The following DDHD2 variants were observed in gnomAD, a reference collection of about 807,000 sequenced individuals.
The protein encoded by DDHD2 is triacylglycerol hydrolase DDHD2.
In DDHD2, 62 loss-of-function variants were observed where a neutral mutation model predicts 91.2. That is an observed-to-expected ratio of 0.68 (90% confidence interval 0.55 to 0.84). The LOEUF is 0.84. DDHD2 is among the 40% of genes least tolerant of loss of function. The pLI is 0.00. For missense variants in DDHD2, 740 were observed against 846.9 expected (o/e 0.87, Z 1.57); for synonymous variants, 271 against 293.9 (o/e 0.92, Z 0.80).
At chr8:38,267,874 G>T in intron 1 of DDHD2, 1 of 1,611,716 alleles carries the variant, frequency 6.2e-7, no homozygotes, top group Non-Finnish European at 8.5e-7. Flanking sequence ...CAGATGCTGG[G>T]GTGGTTAGCT....
At position 38,232,977 on chromosome 8, in the gene DDHD2, T is replaced by A. The variant is rs562818441; in HGVS notation, c.-8-10T>A. 1 of 1,607,526 alleles carries A rather than the reference T, an allele frequency of 6.2e-7. No individual in the cohort carries two copies. The highest frequency in any genetic ancestry group is 1.3e-5 in the African/African-American group (1 of 74,694). ...AGTTCGTTTTCCTGATAGTTTTCTT[T>A]TGTCTTTAGAGAGCGAAATGTCATC... On this transcript the variant is annotated splice_polypyrimidine_tract_variant and intron_variant, in intron 1 of 17. Coordinates refer to ENST00000397166, the MANE Select transcript of DDHD2 (RefSeq NM_015214.3).
At chr8:38,252,907 A>T in intron 14 of DDHD2, 50 bp from the exon 15 acceptor site, 1 of 1,608,434 alleles carries the variant, frequency 6.2e-7, no homozygotes, top group South Asian at 1.1e-5. Context: ...GCTATGTTGG[A>T]CCCTAAGCTC....
Position 38,269,177 on chromosome 8 carries a change from A to G in DDHD2, n.88-1945A>G, listed in dbSNP as rs1299608788. 5.3e-6 allele frequency: 8 copies of G among 1,504,938 alleles called. No individual in the cohort carries two copies. The highest frequency in any genetic ancestry group is 2.7e-5 in the East Asian group (1 of 36,770). 93.2% of individuals were successfully genotyped at this position (1,504,938 alleles called of 1,614,324 possible). On this transcript the variant is annotated intron_variant and non_coding_transcript_variant, in intron 1 of 1. Coordinates refer to the DDHD2 transcript ENST00000526071. ...CACGCCCACTTCGGCCCCAAAGGCC[A>G]CCGCCGCCGCCGCCTTCCCCATCCG...
At chr8:38,267,511 G>A, downstream of DDHD2, 1 of 1,224,930 alleles carries the variant, frequency 8.2e-7, no homozygotes, top group East Asian at 2.5e-5. Flanking sequence ...GCAAAATAAG[G>A]TAACTGGCTT....
At chr8:38,263,500 T>C (rs1807197922), downstream of DDHD2, 3 of 985,456 alleles carry the variant, frequency 3.0e-6, no homozygotes, top group Non-Finnish European at 3.6e-6. Flanking sequence ...GAAACCACAC[T>C]CCTGACCATT....
Position 38,247,773 on chromosome 8 carries a change from A to G in DDHD2, c.1186A>G (p.Lys396Glu). The change falls in exon 10 of 18, where the codon AAA (lysine) becomes GAA (glutamate). Residue 396 changes from lysine to glutamate, a missense_variant. Lys to Glu is a moderately conservative substitution (Grantham distance 56). Transcript: ENST00000397166. Reference sequence around the variant, plus strand: ...ACCTACACTAGAGGAAGATTTGAAGAAACTTCAGCTCTCTGAATTCTTTGA... The same window carrying G: ...ACCTACACTAGAGGAAGATTTGAAGGAACTTCAGCTCTCTGAATTCTTTGA... ...DTPTLEEDLK[K>E]LQLSEFFDIF... 6.3e-7 allele frequency: 1 copy of G among 1,583,966 alleles called. No homozygotes were observed. Among genetic ancestry groups the G allele is most frequent in the Non-Finnish European group, 8.6e-7 (1 of 1,163,316 alleles).
rs1174123143 is a variant in DDHD2 at position 38,251,934 on chromosome 8, A to C, written c.1367A>C (p.Gln456Pro). The change falls in exon 12 of 18, where the codon CAG becomes CCG. Residue 456 changes from glutamine to proline, a missense_variant. This residue lies in a region of DDHD2 where 693 missense variants were observed against 764.2 expected (regional missense o/e 0.91). Transcript: ENST00000397166. ...TAGGGTATTAAGAGACCAGCCCCGC[A>C]GCCTGCTTCAGGGGCAAACATCCCC... ...NSMGIKRPAP[Q>P]PASGANIPKE... 1 of 1,614,120 alleles carries C rather than the reference A, an allele frequency of 6.2e-7. No individual in the cohort carries two copies. Among genetic ancestry groups the C allele is most frequent in the Admixed American group, 1.7e-5 (1 of 60,012 alleles).
chr8:38,269,110 C>A, intron 1 of DDHD2: 2 of 1,525,468 alleles, frequency 1.3e-6, no homozygotes, highest in Non-Finnish European at 1.8e-6. Flanking sequence ...CGGGCCCGGC[C>A]GTGGATCTTT....
At chr8:38,256,290 G>A (rs1012408169) in intron 16 of DDHD2, among the ~76,000 whole-genome samples, 8 of 151,964 alleles carry the variant, frequency 5.3e-5, no homozygotes, top group Admixed American at 1.3e-4. Context: ...GTTGTTTGGC[G>A]TTTAGCTTAT....
rs199597606 is a variant in DDHD2, at chr8:38,251,932, G to A, written c.1365G>A (p.Pro455=). The A allele has an allele frequency of 9.9e-6, 16 of 1,613,574 alleles. No homozygotes were observed. Among genetic ancestry groups the A allele is most frequent in the East Asian group, 4.5e-5 (2 of 44,870 alleles). The part of the protein sequence containing the change: ...KNSMGIKRPA[P]QPASGANIPK... Reference sequence around the variant, plus strand: ...TTTAGGGTATTAAGAGACCAGCCCCGCAGCCTGCTTCAGGGGCAAACATCC... The same window carrying A: ...TTTAGGGTATTAAGAGACCAGCCCCACAGCCTGCTTCAGGGGCAAACATCC... The change falls in exon 12 of 18, where the codon CCG becomes CCA. Residue 455 remains proline, a synonymous_variant. Transcript: ENST00000397166.
chr8:38,265,176 G>C (rs2130915410), downstream of DDHD2: 1 of 436,684 alleles, frequency 2.3e-6, no homozygotes, highest in East Asian at 4.4e-5. Context: ...TGAGGCAGGA[G>C]ACTTGCTTGA....
downstream of DDHD2, chr8:38,266,430 T>C: frequency 9.8e-7 from 1 of 1,024,010 alleles, no homozygotes; most frequent in Non-Finnish European, 1.4e-6. Flanking sequence ...TGAGACAGTC[T>C]TGCTCTGTCG....
chr8:38,267,750 G>A, downstream of DDHD2: 1 of 830,210 alleles, frequency 1.2e-6, no homozygotes, highest in South Asian at 1.7e-5. Context: ...ATGGGGAAGG[G>A]AGTAAGCGTT....
rs1385434360 is a variant in DDHD2 at position 38,259,169 on chromosome 8, C to A, written c.2055-871C>A. On this transcript the variant is annotated intron_variant, in intron 16 of 17. Transcript: ENST00000397166. Reference sequence around the variant, plus strand: ...ACTGGATAACTCTTCAATAGTGTCTCTAGAATGATCTCTGTGGAAAAGGAA... The same window carrying A: ...ACTGGATAACTCTTCAATAGTGTCTATAGAATGATCTCTGTGGAAAAGGAA... Among the ~76,000 whole-genome samples the A allele has an allele frequency of 2.0e-5, 3 of 151,248 alleles. No homozygotes were observed. The East Asian group carries it at 5.8e-4, about 29-fold the overall frequency.
chr8:38,262,180 G>C lies in DDHD2; in HGVS notation c.*1607G>C, dbSNP rs1300223380. On this transcript the variant is annotated 3_prime_UTR_variant, in exon 18 of 18. Coordinates refer to ENST00000397166, the MANE Select transcript of DDHD2 (RefSeq NM_015214.3). The stretch of plus-strand genomic sequence containing the variant: ...ATATGGAATACTTTATTTTTTTAAA[G>C]GTATATAAACTCTGAGTTATTGAGA... 6.6e-6 allele frequency: 1 copy of C among 152,084 alleles called. No homozygotes were observed. The highest frequency in any genetic ancestry group is 1.5e-5 in the Non-Finnish European group (1 of 68,006). The allele number at this position is 152,084 out of a possible 1,614,324, so 9.4% of individuals were successfully genotyped here. A position where few individuals can be genotyped will look rare whatever the true frequency, so the allele number is the denominator to read the frequency against.
At chr8:38,272,550 G>C (rs1215365666), downstream of DDHD2, 1 of 152,206 alleles carries the variant, frequency 6.6e-6, no homozygotes, top group Non-Finnish European at 1.5e-5. Context: ...CACAGTGCCT[G>C]AGAAAGTTTC....
intron 7 of DDHD2, among the ~76,000 whole-genome samples, chr8:38,242,915 T>A (rs543296552): frequency 6.6e-6 from 1 of 152,302 alleles, no homozygotes; most frequent in South Asian, 2.1e-4. Context: ...TGACAGAGAA[T>A]GTTGCTTAAA....
At chr8:38,267,073 T>C, downstream of DDHD2, 1 of 1,434,550 alleles carries the variant, frequency 7.0e-7, no homozygotes, top group African/African-American at 1.4e-5. Flanking sequence ...GAAGGTAAAC[T>C]ACCTTTCTGT....
chr8:38,268,218 C>A, intron 1 of DDHD2: 1 of 1,045,648 alleles, frequency 9.6e-7, no homozygotes. Flanking sequence ...GTAACCAAGT[C>A]CCTGCAGTGC....
Sources: gnomAD v4.1 joint callset for allele counts (sites outside exome capture counted in the v4.1 genomes callset) on GRCh38, gnomAD v4.1.1 for gene constraint, gnomAD v4.1.1 regional missense constraint, MANE v1.5 for transcripts, NCBI Gene and HGNC (gene_info 2026-07-23, HGNC 2026-07-21) for gene names.